The following LHX8 variants were observed in gnomAD, a reference collection of about 807,000 sequenced individuals.
The protein encoded by LHX8 is LIM homeobox 8.
In LHX8, 12 loss-of-function variants were observed where a neutral mutation model predicts 40.3. The observed-to-expected ratio is 0.30, with a 90% CI of 0.19 to 0.48. The LOEUF is 0.48. Ranked by LOEUF, LHX8 falls within the 20% of genes least tolerant of loss-of-function variation. LHX8 has a pLI of 0.99. For synonymous variants in LHX8, 179 were observed against 162.0 expected (o/e 1.10, Z -0.80); for missense variants, 344 against 433.7 (o/e 0.79, Z 1.84).
chr1:75,151,545 G>A (rs891641165), intron 7 of LHX8, among the ~76,000 whole-genome samples: 3 of 152,094 alleles, frequency 2.0e-5, no homozygotes, highest in Non-Finnish European at 2.9e-5. Context: ...TCCCTGCAAC[G>A]GAATGTAGAA....
rs369761078 is a variant in LHX8 at position 75,136,685 on chromosome 1, G to A, written c.71G>A (p.Gly24Glu). The change falls in exon 2 of 9, where the codon GGA (glycine) becomes GAA (glutamate). Residue 24 changes from glycine (G) to glutamate (E), a missense_variant. Coordinates refer to ENST00000356261, the MANE Select transcript of LHX8 (RefSeq NM_001256114.2). ...GRTRKGAGEE[G>E]LVSPEGAGDE... ...ACTCGCAAAGGCGCCGGGGAAGAGGGACTGGTGAGTGCGGAGGGGCTCGCG... is the reference window on the plus strand; with the variant it reads ...ACTCGCAAAGGCGCCGGGGAAGAGGAACTGGTGAGTGCGGAGGGGCTCGCG... The A allele has an allele frequency of 6.9e-5, 106 of 1,545,320 alleles. No individual in the cohort carries two copies. The highest frequency in any genetic ancestry group is 9.2e-5 in the Non-Finnish European group (105 of 1,146,548).
At chr1:75,178,620 C>A in the LHX8 span, among the ~76,000 whole-genome samples, 13 of 151,914 alleles carry the variant, frequency 8.6e-5, no homozygotes, top group African/African-American at 2.2e-4. Context: ...TTCAAAAAAA[C>A]CAGCTCCTGG....
At chr1:75,172,239 A>G in the LHX8 span, among the ~76,000 whole-genome samples, 1 of 152,238 alleles carries the variant, frequency 6.6e-6, no homozygotes, top group Admixed American at 6.5e-5. Flanking sequence ...CAGATGTATG[A>G]GACCACTATA....
intron 6 of LHX8, 58 bp from the exon 7 acceptor site, chr1:75,148,529 G>C: frequency 8.5e-7 from 1 of 1,172,166 alleles, no homozygotes. Context: ...AAAAATGCAG[G>C]AAGAAGACTG....
chr1:75,136,026 C>T (rs1648114756), intron 1 of LHX8, among the ~76,000 whole-genome samples: 1 of 152,230 alleles, frequency 6.6e-6, no homozygotes, highest in Non-Finnish European at 1.5e-5. Context: ...CTTCTTAAAT[C>T]CCGCTGTAAT....
upstream of LHX8, chr1:75,130,449 C>T (rs1647932259): frequency 7.0e-6 from 4 of 567,902 alleles, no homozygotes; most frequent in Non-Finnish European, 9.4e-6. Context: ...GCAGGGTCTG[C>T]CCGCCAGTGG....
At chr1:75,149,084 A>G (rs1473707448) in intron 7 of LHX8, among the ~76,000 whole-genome samples, 1 of 152,206 alleles carries the variant, frequency 6.6e-6, no homozygotes, top group East Asian at 1.9e-4. Flanking sequence ...CAGCAACCCT[A>G]AGATCCTCAG....
the LHX8 span, among the ~76,000 whole-genome samples, chr1:75,176,481 T>C: frequency 6.6e-6 from 1 of 152,222 alleles, no homozygotes; most frequent in Non-Finnish European, 1.5e-5. Flanking sequence ...TTTTGAGAAG[T>C]GTCTGTTCAT....
chr1:75,181,208 CAAAT>C, the LHX8 span, among the ~76,000 whole-genome samples: 1 of 152,162 alleles, frequency 6.6e-6, no homozygotes, highest in African/African-American at 2.4e-5. Context: ...TCTCAGAGCT[CAAAT>C]ACCATGCTGG....
downstream of LHX8, among the ~76,000 whole-genome samples, chr1:75,163,863 G>T: frequency 6.6e-6 from 1 of 152,142 alleles, no homozygotes; most frequent in East Asian, 1.9e-4. Context: ...AATGGGATTA[G>T]TGCCCTTATA....
intron 7 of LHX8, among the ~76,000 whole-genome samples, chr1:75,154,095 T>C (rs546608701): frequency 6.6e-6 from 1 of 152,310 alleles, no homozygotes; most frequent in South Asian, 2.1e-4. Flanking sequence ...ACTCAGAAAA[T>C]GTTAACTCTT....
the LHX8 span, among the ~76,000 whole-genome samples, chr1:75,180,792 GC>G: frequency 6.6e-6 from 1 of 152,188 alleles, no homozygotes; most frequent in Non-Finnish European, 1.5e-5. Context: ...AGAATTTTCA[GC>G]TTTTCTGCTC....
chr1:75,143,992 C>T, intron 6 of LHX8, 44 bp downstream of exon 6: 1 of 1,513,004 alleles, frequency 6.6e-7, no homozygotes, highest in South Asian at 1.1e-5. Context: ...CCCCTCCCAA[C>T]CAAAAAAACA....
At chr1:75,129,902 A>T (rs1570279015), upstream of LHX8, 1 of 141,528 alleles carries the variant, frequency 7.1e-6, no homozygotes, top group African/African-American at 2.5e-5. Flanking sequence ...AGAGAGTTGG[A>T]TTCTCTCTCT....
intron 7 of LHX8, among the ~76,000 whole-genome samples, chr1:75,153,206 A>G (rs1273816948): frequency 6.6e-6 from 1 of 151,980 alleles, no homozygotes; most frequent in Non-Finnish European, 1.5e-5. Flanking sequence ...TCCGGACTCA[A>G]GCGATTCTCC....
At chr1:75,181,507 G>A in the LHX8 span, among the ~76,000 whole-genome samples, 2 of 152,202 alleles carry the variant, frequency 1.3e-5, no homozygotes, top group Non-Finnish European at 2.9e-5. Context: ...TCTGAGCCAG[G>A]CACGGGATAC....
At chr1:75,193,015 A>G in the LHX8 span, among the ~76,000 whole-genome samples, 3 of 152,124 alleles carry the variant, frequency 2.0e-5, no homozygotes, top group African/African-American at 7.2e-5. Flanking sequence ...TACATTTTTC[A>G]TTTGAATGTC....
upstream of LHX8, chr1:75,130,777 T>G: frequency 6.3e-7 from 1 of 1,590,252 alleles, no homozygotes; most frequent in Admixed American, 1.7e-5. Context: ...CCTAAAGTCT[T>G]TTTCCAGACT....
At chr1:75,195,277 A>T in the LHX8 span, among the ~76,000 whole-genome samples, 19 of 152,244 alleles carry the variant, frequency 1.2e-4, no homozygotes, top group East Asian at 3.5e-3. Flanking sequence ...AGGTGAAGTA[A>T]CTTTCCCGAG....
Sources: gnomAD v4.1 joint callset for allele counts (sites outside exome capture counted in the v4.1 genomes callset) on GRCh38, gnomAD v4.1.1 for gene constraint, MANE v1.5 for transcripts, NCBI Gene and HGNC (gene_info 2026-07-23, HGNC 2026-07-21) for gene names.